The following CDH12 variants were observed in gnomAD, a reference collection of about 807,000 sequenced individuals.
CDH12 encodes the protein cadherin 12, also known as cadherin-12.
In CDH12, 41 loss-of-function variants were observed where a neutral mutation model predicts 74.1. That is an observed-to-expected ratio of 0.55 (90% CI 0.43 to 0.72). The LOEUF is 0.72. Among genes scored for constraint, CDH12 ranks in the 30% least tolerant of loss-of-function variants. The pLI is 0.00. For synonymous variants in CDH12, 399 were observed against 355.0 expected (o/e 1.12, Z -1.39); for missense variants, 945 against 977.2 (o/e 0.97, Z 0.44).
rs1006374189 is a variant in CDH12 at position 22,119,340 on chromosome 5, G to C, written c.-186-40478C>G. Reference sequence around the variant, plus strand: ...GAGTCTTGATGTGTTGCCCAGGCTGGAGTGCGGTGGCCTGATCTCGGCTTA... The same window carrying C: ...GAGTCTTGATGTGTTGCCCAGGCTGCAGTGCGGTGGCCTGATCTCGGCTTA... On this transcript the variant is annotated intron_variant, in intron 4 of 14. Transcript: ENST00000382254. Among the ~76,000 whole-genome samples the C allele has an allele frequency of 1.4e-4, 20 of 148,114 alleles. 1 individual carries two copies. Among genetic ancestry groups the C allele is most frequent in the African/African-American group, 3.3e-4 (13 of 39,950 alleles).
intron 3 of CDH12, among the ~76,000 whole-genome samples, chr5:22,361,092 G>A (rs1000272201): frequency 6.6e-6 from 1 of 152,100 alleles, no homozygotes; most frequent in African/African-American, 2.4e-5. Context: ...CAATCAGGCA[G>A]GAGAAAGAAA....
intron 3 of CDH12, among the ~76,000 whole-genome samples, chr5:22,363,163 T>C (rs948757413): frequency 7.9e-5 from 12 of 152,056 alleles, no homozygotes; most frequent in Admixed American, 5.9e-4. Flanking sequence ...AATTTGGAGA[T>C]TGTAAAAAGA....
chr5:22,659,983 T>G (rs532221084), intron 1 of CDH12, among the ~76,000 whole-genome samples: 1 of 152,306 alleles, frequency 6.6e-6, no homozygotes, highest in East Asian at 1.9e-4. Flanking sequence ...GTTCTTATAA[T>G]ACTTTATTAC....
intron 5 of CDH12, among the ~76,000 whole-genome samples, chr5:22,040,625 C>T (rs985542872): frequency 6.6e-6 from 1 of 152,068 alleles, no homozygotes; most frequent in Non-Finnish European, 1.5e-5. Context: ...AACAGAAATC[C>T]TAAAGGCCAA....
chr5:22,384,896 T>A (rs1741934530), intron 3 of CDH12, among the ~76,000 whole-genome samples: 1 of 152,316 alleles, frequency 6.6e-6, no homozygotes, highest in East Asian at 1.9e-4. Context: ...GATTTTAATA[T>A]TTTAAATTCC....
chr5:21,859,933 T>C (rs987231074), intron 6 of CDH12, among the ~76,000 whole-genome samples: 5 of 151,764 alleles, frequency 3.3e-5, no homozygotes, highest in Admixed American at 1.3e-4. Flanking sequence ...TTAACATCAA[T>C]GGGAAACTAC....
At chr5:22,815,787 A>AT (rs71609781) in intron 1 of CDH12, among the ~76,000 whole-genome samples, 21 of 145,362 alleles carry the variant, frequency 1.4e-4, no homozygotes, top group East Asian at 4.0e-4. Context: ...AAAAAAAAAT[A>AT]AATAAATAAT....
chr5:22,696,570 C>A lies in CDH12; in HGVS notation c.-523+156488G>T, dbSNP rs889937618. ...TTAAAAAGACTAATATATATTTTTT[C>A]AATATTTTAATTTTGTACATTCATC... is the stretch of plus-strand genomic sequence containing the variant. On this transcript the variant is annotated intron_variant, in intron 1 of 14. Coordinates refer to ENST00000382254, the MANE Select transcript of CDH12 (RefSeq NM_004061.5). Among the ~76,000 whole-genome samples, 5 of 151,826 alleles carry A rather than the reference C, an allele frequency of 3.3e-5. No individual in the cohort carries two copies. The East Asian group carries it at 9.7e-4, about 29-fold the overall frequency.
At chr5:22,615,310 T>A (rs1436757408) in intron 1 of CDH12, among the ~76,000 whole-genome samples, 1 of 152,132 alleles carries the variant, frequency 6.6e-6, no homozygotes, top group Non-Finnish European at 1.5e-5. Flanking sequence ...CAACCATTAT[T>A]ACTCACTGAA....
rs910053494 is a variant in CDH12 at position 22,477,252 on chromosome 5, C to T, written c.-428+28018G>A. On this transcript the variant is annotated intron_variant, in intron 2 of 14. Coordinates refer to ENST00000382254, the MANE Select transcript of CDH12 (RefSeq NM_004061.5). Reference sequence around the variant, plus strand: ...CAATGCTTTCCCTCCTCTCACCTTTCACCCTCCAAAAAGTCCCAGCCTGTG... The same window carrying T: ...CAATGCTTTCCCTCCTCTCACCTTTTACCCTCCAAAAAGTCCCAGCCTGTG... Among the ~76,000 whole-genome samples, 5 of 152,144 alleles carry T rather than the reference C, an allele frequency of 3.3e-5. No individual in the cohort carries two copies. The South Asian group carries it at 1.0e-3, about 31-fold the overall frequency.
chr5:22,638,645 G>A (rs1048189448), intron 1 of CDH12: 5 of 152,272 alleles, frequency 3.3e-5, no homozygotes, highest in African/African-American at 1.2e-4. Context: ...ATTCAAACAA[G>A]TTGACACTAA....
chr5:22,502,234 T>A (rs1275715301), intron 2 of CDH12, among the ~76,000 whole-genome samples: 1 of 152,058 alleles, frequency 6.6e-6, no homozygotes, highest in African/African-American at 2.4e-5. Flanking sequence ...ATGCTGTTGT[T>A]ATGATAATGA....
intron 1 of CDH12, among the ~76,000 whole-genome samples, chr5:22,682,051 T>C (rs1741523059): frequency 6.6e-6 from 1 of 152,102 alleles, no homozygotes; most frequent in Non-Finnish European, 1.5e-5. Flanking sequence ...TGAATCTCTT[T>C]TCCCAGTAAT....
intron 5 of CDH12, among the ~76,000 whole-genome samples, chr5:22,004,994 G>A (rs1483884599): frequency 6.6e-6 from 1 of 151,978 alleles, no homozygotes; most frequent in African/African-American, 2.4e-5. Flanking sequence ...TTTATGGATG[G>A]TATATGTACC....
chr5:22,213,426 T>A (rs1275122295), intron 3 of CDH12: 1 of 152,014 alleles, frequency 6.6e-6, no homozygotes, highest in African/African-American at 2.4e-5. Flanking sequence ...AATACAGCAC[T>A]ACACCTAACC....
At position 22,342,405 on chromosome 5, in the gene CDH12, G is replaced by T. The variant is rs552133609; in HGVS notation, c.-333+62852C>A. Reference sequence around the variant, plus strand: ...AATACATTATTTCTGTCCAAATCTTGTAGGAACATAAGGGCTTGAACAAGC... The same window carrying T: ...AATACATTATTTCTGTCCAAATCTTTTAGGAACATAAGGGCTTGAACAAGC... On this transcript the variant is annotated intron_variant, in intron 3 of 14. Transcript: ENST00000382254. Among the ~76,000 whole-genome samples, 27 of 152,230 alleles carry T rather than the reference G, an allele frequency of 1.8e-4. 1 individual carries two copies. Among genetic ancestry groups the T allele is most frequent in the African/African-American group, 6.5e-4 (27 of 41,546 alleles).
At position 22,003,974 on chromosome 5, in the gene CDH12, C is replaced by T. The variant is rs1360066595; in HGVS notation, c.232-28589G>A. On this transcript the variant is annotated intron_variant, in intron 5 of 14. Transcript: ENST00000382254. Reference sequence around the variant, plus strand: ...TCTTCTTTTTTTGTCCCATTTCTGTCTCAGCACTTTGAAATAGTAATTTAG... The same window carrying T: ...TCTTCTTTTTTTGTCCCATTTCTGTTTCAGCACTTTGAAATAGTAATTTAG... 4.0e-5 allele frequency among the ~76,000 whole-genome samples: 6 copies of T among 151,630 alleles called. No homozygotes were observed. In the South Asian group the frequency reaches 6.2e-4, roughly 16 times the overall value.
At chr5:22,250,337 TAGCACTC>T (rs1753095034) in intron 3 of CDH12, among the ~76,000 whole-genome samples, 2 of 152,134 alleles carry the variant, frequency 1.3e-5, no homozygotes, top group African/African-American at 4.8e-5. Flanking sequence ...CATTCAGCAT[TAGCACTC>T]AGAACCGTCT....
chr5:21,959,166 GT>G (rs1170852542), intron 6 of CDH12, among the ~76,000 whole-genome samples: 1 of 152,232 alleles, frequency 6.6e-6, no homozygotes, highest in Non-Finnish European at 1.5e-5. Context: ...CTTTGCTGAA[GT>G]TTTTTTTATT....
Sources: allele counts gnomAD v4.1 joint callset (sites outside exome capture counted in the v4.1 genomes callset), GRCh38; gene constraint gnomAD v4.1.1; transcripts MANE v1.5; gene names NCBI Gene and HGNC (gene_info 2026-07-23, HGNC 2026-07-21).